Variants in HLA-DOB observed in about 807,000 individuals in gnomAD.
The protein encoded by HLA-DOB is HLA class II histocompatibility antigen, DO beta chain.
Under a neutral mutation model 27.7 loss-of-function variants are expected in HLA-DOB, and 25 were observed. The observed-to-expected ratio is 0.90, with a 90% CI of 0.66 to 1.26. The LOEUF is 1.26. HLA-DOB is among the 50% of genes most tolerant of loss of function. HLA-DOB has a pLI of 0.00. For synonymous variants in HLA-DOB, 137 were observed against 125.6 expected (o/e 1.09, Z -0.61); for missense variants, 306 against 324.9 (o/e 0.94, Z 0.45).
At chr6:32,814,268 A>T (rs1685662264) in intron 3 of HLA-DOB, 52 bp downstream of exon 3, 7 of 1,514,058 alleles carry the variant, frequency 4.6e-6, no homozygotes, top group Non-Finnish European at 5.5e-6. Context: ...CTCTGTATTG[A>T]GTCAGTATAG....
At chr6:32,816,764 C>T in intron 1 of HLA-DOB, 97 bp downstream of exon 1, 1 of 948,376 alleles carries the variant, frequency 1.1e-6, no homozygotes, top group Non-Finnish European at 1.6e-6. Flanking sequence ...AAGCCACTTC[C>T]AGTCTGGTCT....
chr6:32,812,958 T>G lies in HLA-DOB; in HGVS notation c.*258A>C. 1.8e-6 allele frequency: 1 copy of G among 561,428 alleles called. No individual in the cohort carries two copies. Among genetic ancestry groups the G allele is most frequent in the Admixed American group, 3.1e-5 (1 of 32,124 alleles). The allele number at this position is 561,428 out of a possible 1,614,324, so 34.8% of individuals were successfully genotyped here. ...GTAAATGATTTGGGGCTGGAAGGAG[T>G]AAGGTCTCAGGGGAGTTTCTGGACA... On this transcript the variant is annotated 3_prime_UTR_variant, in exon 6 of 6. Coordinates refer to ENST00000438763, the MANE Select transcript of HLA-DOB (RefSeq NM_002120.4).
intron 3 of HLA-DOB, 143 bp downstream of exon 3, chr6:32,814,177 A>C: frequency 2.6e-6 from 2 of 765,644 alleles, no homozygotes; most frequent in East Asian, 5.3e-5. Flanking sequence ...TAACCCAAGG[A>C]CTCTGGTTTC....
At chr6:32,813,305 C>T (rs1767876573) in intron 5 of HLA-DOB, 54 bp from the exon 6 acceptor site, 4 of 1,605,980 alleles carry the variant, frequency 2.5e-6, no homozygotes, top group Non-Finnish European at 3.4e-6. Context: ...CCCCCACAGC[C>T]GTTCCAGAGA....
chr6:32,816,774 T>C, intron 1 of HLA-DOB, 87 bp downstream of exon 1: 3 of 1,066,214 alleles, frequency 2.8e-6, no homozygotes, highest in Non-Finnish European at 4.3e-6. Flanking sequence ...CAGTCTGGTC[T>C]GTGGCCTGGA....
At chr6:32,813,293 A>AC in intron 5 of HLA-DOB, 42 bp from the exon 6 acceptor site, 1 of 1,609,398 alleles carries the variant, frequency 6.2e-7, no homozygotes, top group Non-Finnish European at 8.5e-7. Flanking sequence ...CAGCCTCACC[A>AC]CCCCCCACAG....
In HLA-DOB at chr6:32,813,120, C is replaced by T; in HGVS notation, c.*96G>A. 3.6e-6 allele frequency: 4 copies of T among 1,124,886 alleles called. No individual in the cohort carries two copies. In the South Asian group the frequency reaches 4.9e-5, roughly 14 times the overall value. 69.7% of individuals were successfully genotyped at this position (1,124,886 alleles called of 1,614,324 possible). A position where few individuals can be genotyped will look rare whatever the true frequency, so the allele number is the denominator to read the frequency against. Reference sequence around the variant, plus strand: ...AAGGATCAGGGAAGAGAGTTATTCCCAGAACATTGACCTCATGAATGTCCT... The same window carrying T: ...AAGGATCAGGGAAGAGAGTTATTCCTAGAACATTGACCTCATGAATGTCCT... On this transcript the variant is annotated 3_prime_UTR_variant, in exon 6 of 6. Transcript: ENST00000438763.
rs1768041165 is a variant in HLA-DOB, at chr6:32,816,889, G to A, written c.63C>T (p.Ser21=). The A allele has an allele frequency of 6.2e-7, 1 of 1,612,948 alleles. No individual in the cohort carries two copies. The highest frequency in any genetic ancestry group is 1.3e-5 in the African/African-American group (1 of 75,010). ...ALLVNLTRLD[S]SMTQGTDSPE... ...GAGAGTCTGTGCCTTGAGTCATGGA[G>A]GAATCCAGTCGGGTCAGATTCACTA... The change falls in exon 1 of 6, where the codon TCC becomes TCT. Residue 21 remains serine, a synonymous_variant. Transcript: ENST00000438763.
In HLA-DOB at chr6:32,816,868, G is replaced by A. The variant is rs2071471; in HGVS notation, c.84C>T (p.Asp28=). The A allele has an allele frequency of 4.4e-3, 7,069 of 1,612,320 alleles. 292 individuals carry two copies. In the East Asian group the frequency reaches 0.11, roughly 25 times the overall value. The change falls in exon 1 of 6, where the codon GAC becomes GAT. Residue 28 remains aspartate, a synonymous_variant. Transcript: ENST00000438763. ...CAATTGCTCTGTTCTTACCTGGAGA[G>A]TCTGTGCCTTGAGTCATGGAGGAAT... ...RLDSSMTQGT[D]SPEDFVIQAK...
chr6:32,816,813 G>C lies in HLA-DOB; in HGVS notation c.91+48C>G, dbSNP rs55988835. ...ACAAAGAAAGGCATCACTCCCCCAT[G>C]CCAATTCTTGCATACACACTGGAAA... On this transcript the variant is annotated intron_variant, in intron 1 of 5. Coordinates refer to ENST00000438763, the MANE Select transcript of HLA-DOB (RefSeq NM_002120.4). 2.3e-4 allele frequency: 331 copies of C among 1,461,666 alleles called. 2 individuals are homozygous for C. In the East Asian group the frequency reaches 4.7e-3, roughly 21 times the overall value. The allele number at this position is 1,461,666 out of a possible 1,614,324, so 90.5% of individuals were successfully genotyped here.
chr6:32,815,310 T>C lies in HLA-DOB; in HGVS notation c.95A>G (p.Asp32Gly). The C allele has an allele frequency of 6.2e-7, 1 of 1,613,772 alleles. No individual in the cohort carries two copies. Among genetic ancestry groups the C allele is most frequent in the Non-Finnish European group, 8.5e-7 (1 of 1,179,652 alleles). Residue 32 changes from aspartate (D) to glycine (G), a missense_variant, in exon 2 of 6, where the codon GAT (aspartate) becomes GGT (glycine). Physicochemically the swap from Asp to Gly is moderately conservative, Grantham distance 94 (BLOSUM62 -1). Coordinates refer to ENST00000438763, the MANE Select transcript of HLA-DOB (RefSeq NM_002120.4). ...SMTQGTDSPE[D>G]FVIQAKADCY... ...GTCAGCCTTTGCCTGAATCACAAAA[T>C]CTTCTGGAAAACCAAAACCAAAACC...
In HLA-DOB at chr6:32,813,804, T is replaced by C; in HGVS notation, c.673A>G (p.Met225Val). 1 of 1,561,718 alleles carries C rather than the reference T, an allele frequency of 6.4e-7. No homozygotes were observed. The highest frequency in any genetic ancestry group is 2.3e-5 in the East Asian group (1 of 42,694). ...RAQSEYSWRKMLSGIAAFLLG... is the reference protein window; with the variant it reads ...RAQSEYSWRKVLSGIAAFLLG... ...AGGAAGGCTGCAATGCCACTCAGCA[T>C]CTTTCTCCAAGAATATTCAGACTGA... is the stretch of plus-strand genomic sequence containing the variant. Residue 225 changes from methionine (M) to valine (V), a missense_variant, in exon 4 of 6, where the codon ATG becomes GTG. By Grantham distance (21) the Met-to-Val change is conservative. Coordinates refer to ENST00000438763, the MANE Select transcript of HLA-DOB (RefSeq NM_002120.4).
rs1767963454 is a variant in HLA-DOB, at chr6:32,815,128, G to C, written c.277C>G (p.Leu93Val). 1.9e-6 allele frequency: 3 copies of C among 1,614,216 alleles called. No homozygotes were observed. The highest frequency in any genetic ancestry group is 2.5e-6 in the Non-Finnish European group (3 of 1,180,044). Residue 93 changes from leucine to valine, a missense_variant, in exon 2 of 6, where the codon CTC (leucine) becomes GTC (valine). Physicochemically the swap from Leu to Val is conservative, Grantham distance 32. Transcript: ENST00000438763. ...DAEQWNSRLD[L>V]LERSRQAVDG... ...ACGGCCTGTCTGCTCCTCTCCAAGA[G>C]ATCCAGCCGGCTGTTCCACTGCTCA...
intron 2 of HLA-DOB, 90 bp from the exon 3 acceptor site, chr6:32,814,691 CTT>C: frequency 8.2e-7 from 1 of 1,216,858 alleles, no homozygotes; most frequent in Non-Finnish European, 1.2e-6. Flanking sequence ...TGTCTAATCT[CTT>C]TCCCAGATCA....
chr6:32,813,453 A>G lies in HLA-DOB; in HGVS notation c.773T>C (p.Met258Thr), dbSNP rs1267550762. ...RAQKGYVRTQ[M>T]SGNEVSRAVL... ...AAGAGACATTACCTCATTACCAGAC[A>G]TCTGCGTCCTCACATATCCTGGAAA... The change falls in exon 5 of 6, where the codon ATG becomes ACG. Residue 258 changes from methionine (M) to threonine (T), a missense_variant. Met to Thr is a moderately conservative substitution (Grantham distance 81). Transcript: ENST00000438763. The G allele has an allele frequency of 1.9e-6, 3 of 1,613,158 alleles. No individual in the cohort carries two copies. Among genetic ancestry groups the G allele is most frequent in the Non-Finnish European group, 2.5e-6 (3 of 1,179,992 alleles).
chr6:32,814,960 A>G, intron 2 of HLA-DOB, 84 bp downstream of exon 2: 1 of 1,474,638 alleles, frequency 6.8e-7, no homozygotes, highest in Non-Finnish European at 9.3e-7. Context: ...TAAAGCAGAA[A>G]ATTGCTTGTA....
rs781287067 is a variant in HLA-DOB, at chr6:32,815,096, C to T, written c.309G>A (p.Gly103=). The change falls in exon 2 of 6, where the codon GGG becomes GGA. Residue 103 remains glycine (G), a synonymous_variant. Coordinates refer to ENST00000438763, the MANE Select transcript of HLA-DOB (RefSeq NM_002120.4). ...CCAGCCTGTAGTTGTGTCTACAGAC[C>T]CCATCCACGGCCTGTCTGCTCCTCT... The part of the protein sequence containing the change: ...LLERSRQAVD[G]VCRHNYRLGA... 2.5e-6 allele frequency: 4 copies of T among 1,614,188 alleles called. No individual in the cohort carries two copies. The highest frequency in any genetic ancestry group is 3.4e-6 in the Non-Finnish European group (4 of 1,180,034).
rs201921473 is a variant in HLA-DOB at position 32,813,779 on chromosome 6, A to G, written c.698T>C (p.Leu233Pro). The G allele has an allele frequency of 3.2e-6, 5 of 1,565,624 alleles. No homozygotes were observed. The East Asian group carries it at 1.2e-4, about 36-fold the overall frequency. Residue 233 changes from leucine to proline, a missense_variant, in exon 4 of 6, where the codon CTA (leucine) becomes CCA (proline). Coordinates refer to ENST00000438763, the MANE Select transcript of HLA-DOB (RefSeq NM_002120.4). The stretch of plus-strand genomic sequence containing the variant: ...CACCAGAAGGAAGATTAGCCCAAGT[A>G]GGAAGGCTGCAATGCCACTCAGCAT... ...RKMLSGIAAF[L>P]LGLIFLLVGI...
Position 32,812,797 on chromosome 6 carries a change from A to G in HLA-DOB, c.*419T>C, listed in dbSNP as rs1767847536. 1 of 176,730 alleles carries G rather than the reference A, an allele frequency of 5.7e-6. No individual in the cohort carries two copies. Among genetic ancestry groups the G allele is most frequent in the South Asian group, 1.8e-4 (1 of 5,560 alleles). 10.9% of individuals were successfully genotyped at this position (176,730 alleles called of 1,614,324 possible). The stretch of plus-strand genomic sequence containing the variant: ...TGTATCTCCATTTTATTTGACAATA[A>G]AAGGTTTTTAAAAACAGTGAAAAGG... On this transcript the variant is annotated 3_prime_UTR_variant, in exon 6 of 6. Transcript: ENST00000438763.
Sources: gnomAD v4.1 joint callset for allele counts on GRCh38, gnomAD v4.1.1 for gene constraint, MANE v1.5 for transcripts, NCBI Gene and HGNC (gene_info 2026-07-23, HGNC 2026-07-21) for gene names.